Variants in UBE3A observed in about 807,000 individuals in gnomAD.
The protein encoded by UBE3A is ubiquitin-protein ligase E3A.
In UBE3A, 6 loss-of-function variants were observed where a neutral mutation model predicts 83.4. The ratio of observed to expected loss-of-function variants is 0.07; its 90% confidence interval spans 0.04 to 0.14. The LOEUF is 0.14. Among genes scored for constraint, UBE3A ranks in the 10% least tolerant of loss-of-function variants. The pLI, the probability that UBE3A is intolerant of heterozygous loss-of-function variation, is 1.00. For missense variants in UBE3A, 456 were observed against 1,036.1 expected (o/e 0.44, Z 7.69); for synonymous variants, 337 against 355.4 (o/e 0.95, Z 0.58).
At chr15:25,412,898 C>T (rs2090244551) in intron 1 of UBE3A, 5 of 298,182 alleles carry the variant, frequency 1.7e-5, no homozygotes, top group South Asian at 5.5e-5. Context: ...GGGCTCTACT[C>T]GCAAAGATTT....
In UBE3A at chr15:25,397,688, C is replaced by A. The variant is rs552350502; in HGVS notation, c.62+7773G>T. On this transcript the variant is annotated intron_variant, in intron 4 of 12. Coordinates refer to ENST00000648336, the MANE Select transcript of UBE3A (RefSeq NM_130839.5). ...GCAAAATTCCCTGTATTAAAAACAA[C>A]AAAAAAACAGCTTGTAATTTGAAAC... Among the ~76,000 whole-genome samples the A allele has an allele frequency of 1.1e-4, 16 of 152,086 alleles. No individual in the cohort carries two copies. In the East Asian group the frequency reaches 2.7e-3, roughly 26 times the overall value.
At chr15:25,365,832 G>C (rs1165975738) in intron 6 of UBE3A, among the ~76,000 whole-genome samples, 2 of 151,472 alleles carry the variant, frequency 1.3e-5, no homozygotes, top group Non-Finnish European at 2.9e-5. Context: ...TATTGCTTGA[G>C]ATTTCCAGAT....
At chr15:25,424,893 T>C (rs993665561) in intron 1 of UBE3A, among the ~76,000 whole-genome samples, 7 of 152,196 alleles carry the variant, frequency 4.6e-5, no homozygotes, top group African/African-American at 1.7e-4. Context: ...AGATATCCCA[T>C]GCTCATGAAT....
chr15:25,342,825 T>C (rs2075069631), intron 11 of UBE3A, among the ~76,000 whole-genome samples: 2 of 151,764 alleles, frequency 1.3e-5, no homozygotes, highest in African/African-American at 4.8e-5. Context: ...CACCTGCCCC[T>C]CAACAGAGCA....
At chr15:25,426,400 T>A (rs1353612490) in intron 1 of UBE3A, among the ~76,000 whole-genome samples, 4 of 152,212 alleles carry the variant, frequency 2.6e-5, no homozygotes, top group Admixed American at 1.3e-4. Context: ...GAGTTCAAAC[T>A]TCCATAGCGC....
intron 11 of UBE3A, chr15:25,346,641 CA>C (rs2075732522): frequency 6.6e-6 from 1 of 151,778 alleles, no homozygotes; most frequent in South Asian, 2.1e-4. Flanking sequence ...TCTACTGTTT[CA>C]AAAACGAAAC....
rs538339190 is a variant in UBE3A, at chr15:25,417,448, A to C, written c.-164-5477T>G. Among the ~76,000 whole-genome samples, 3 of 152,214 alleles carry C rather than the reference A, an allele frequency of 2.0e-5. No individual in the cohort carries two copies. In the East Asian group the frequency reaches 5.8e-4, roughly 29 times the overall value. On this transcript the variant is annotated intron_variant, in intron 1 of 12. Transcript: ENST00000648336. ...TCATTAAATATGTAAAAAACAAAAA[A>C]TAAAATAAAATAAATACTAGGAAAA... is the stretch of plus-strand genomic sequence containing the variant.
At chr15:25,377,249 C>T (rs7176973) in intron 4 of UBE3A, among the ~76,000 whole-genome samples, 22,248 of 152,054 alleles carry the variant, frequency 0.15, 2,128 homozygotes, top group East Asian at 0.43. Context: ...CTTTCACTCT[C>T]TGTCCAGGTA....
At chr15:25,339,357 G>A (rs764154191) in intron 12 of UBE3A, 100 bp from the exon 13 acceptor site, 271 of 1,427,740 alleles carry the variant, frequency 1.9e-4, no homozygotes, top group Non-Finnish European at 2.5e-4. Context: ...TAGTTGAGAC[G>A]GTCTGCAATG....
intron 7 of UBE3A, among the ~76,000 whole-genome samples, chr15:25,357,902 C>CCTT (rs2077452751): frequency 1.0e-5 from 1 of 95,742 alleles, no homozygotes; most frequent in African/African-American, 4.5e-5. Flanking sequence ...ATCATGGAGG[C>CCTT]TTTTTTTTTT....
Position 25,335,742 on chromosome 15 carries a change from C to A in UBE3A, c.*3395G>T, listed in dbSNP as rs896538778. On this transcript the variant is annotated 3_prime_UTR_variant, in exon 13 of 13. Coordinates refer to ENST00000648336, the MANE Select transcript of UBE3A (RefSeq NM_130839.5). ...GAAATCCCAGAGACAGAGGTCTGAG[C>A]AAAAGATATGGGATTGGGGAAGAAT... 1.3e-5 allele frequency: 2 copies of A among 152,114 alleles called. No homozygotes were observed. Among genetic ancestry groups the A allele is most frequent in the African/African-American group, 4.8e-5 (2 of 41,402 alleles). The allele number at this position is 152,114 out of a possible 1,614,324, so 9.4% of individuals were successfully genotyped here.
chr15:25,409,900 C>T (rs944984236), intron 2 of UBE3A, among the ~76,000 whole-genome samples: 3 of 150,534 alleles, frequency 2.0e-5, no homozygotes, highest in Non-Finnish European at 4.4e-5. Context: ...AGTCATTTAA[C>T]ATCAGTCACC....
At chr15:25,364,651 T>G (rs1054593207) in intron 6 of UBE3A, among the ~76,000 whole-genome samples, 19 of 149,934 alleles carry the variant, frequency 1.3e-4, no homozygotes, top group Non-Finnish European at 2.5e-4. Flanking sequence ...GTTTGTTTTT[T>G]TTTTTTTTTT....
At position 25,370,692 on chromosome 15, in the gene UBE3A, A is replaced by G. The variant is rs776564692; in HGVS notation, c.1482T>C (p.Asn494=). ...TTCGTTCACTGTACATGCGAATTCTATTGTCATAATATAATCCCAAATTCT... is the reference window on the plus strand; with the variant it reads ...TTCGTTCACTGTACATGCGAATTCTGTTGTCATAATATAATCCCAAATTCT... ...VTKNLGLYYD[N]RIRMYSERRI... The change falls in exon 6 of 13, where the codon AAT becomes AAC. Residue 494 remains asparagine, a synonymous_variant. Coordinates refer to ENST00000648336, the MANE Select transcript of UBE3A (RefSeq NM_130839.5). The surrounding 1 kb of genome is among the most constrained non-coding windows in gnomAD (Gnocchi z 4.2). 1.4e-5 allele frequency: 22 copies of G among 1,614,012 alleles called. No homozygotes were observed. Among genetic ancestry groups the G allele is most frequent in the Non-Finnish European group, 1.9e-5 (22 of 1,180,018 alleles).
At chr15:25,398,784 T>A (rs1483358806) in intron 4 of UBE3A, among the ~76,000 whole-genome samples, 1 of 53,050 alleles carries the variant, frequency 1.9e-5, no homozygotes, top group African/African-American at 9.4e-5. Flanking sequence ...TATATATATA[T>A]ATATATATAT....
intron 4 of UBE3A, among the ~76,000 whole-genome samples, chr15:25,382,958 C>T (rs1459626455): frequency 1.3e-5 from 2 of 151,964 alleles, no homozygotes; most frequent in African/African-American, 4.8e-5. Flanking sequence ...TCCAACAACG[C>T]CAGGGCTTCA....
intron 4 of UBE3A, among the ~76,000 whole-genome samples, chr15:25,377,232 A>G (rs2081367194): frequency 6.6e-6 from 1 of 151,728 alleles, no homozygotes. Context: ...TTGTCTCAAC[A>G]GAAGAACTTT....
At chr15:25,416,485 A>C (rs1377452462) in intron 1 of UBE3A, among the ~76,000 whole-genome samples, 1 of 152,168 alleles carries the variant, frequency 6.6e-6, no homozygotes, top group African/African-American at 2.4e-5. Context: ...AAGTCAGGAC[A>C]GTGGTTACAC....
Position 25,337,602 on chromosome 15 carries a change from A to G in UBE3A, c.*1535T>C, listed in dbSNP as rs1253936156. 6.6e-6 allele frequency: 1 copy of G among 152,108 alleles called. No individual in the cohort carries two copies. Among genetic ancestry groups the G allele is most frequent in the African/African-American group, 2.4e-5 (1 of 41,450 alleles). The allele number at this position is 152,108 out of a possible 1,614,324, so 9.4% of individuals were successfully genotyped here. On this transcript the variant is annotated 3_prime_UTR_variant, in exon 13 of 13. Transcript: ENST00000648336. ...TGAAAGACATCCTTTTTCTCCCCCC[A>G]ATGATTTGAAAGCTGCATTTTTCCT...
Sources: gnomAD v4.1 joint callset for allele counts (sites outside exome capture counted in the v4.1 genomes callset) on GRCh38, gnomAD v4.1.1 for gene constraint, Gnocchi (gnomAD v3.1) non-coding constraint, MANE v1.5 for transcripts, NCBI Gene and HGNC (gene_info 2026-07-23, HGNC 2026-07-21) for gene names.